NRXN1: variants seen among roughly 807,000 people sequenced by gnomAD.
NRXN1 encodes the protein neurexin 1.
Under a neutral mutation model 150.9 loss-of-function variants are expected in NRXN1, and 39 were observed. The ratio of observed to expected loss-of-function variants is 0.26; its 90% CI spans 0.20 to 0.34. The LOEUF (loss-of-function observed/expected upper bound fraction) is 0.34. NRXN1 is among the 10% of genes least tolerant of loss of function. The pLI is 1.00. For synonymous variants in NRXN1, 924 were observed against 757.0 expected, an observed-to-expected ratio of 1.22 and a Z score of -3.62; for missense variants, 1,815 against 1,949.9, an observed-to-expected ratio of 0.93 and a Z score of 1.30.
intron 5 of NRXN1, 68 bp downstream of exon 5, chr2:50,921,801 A>G: frequency 9.4e-6 from 7 of 747,642 alleles, no homozygotes; most frequent in Non-Finnish European, 1.4e-5. Flanking sequence ...GTCTAAATAC[A>G]TTTATGTAAC....
intron 5 of NRXN1, among the ~76,000 whole-genome samples, chr2:50,871,985 T>C (rs1260635968): frequency 6.6e-6 from 1 of 151,796 alleles, no homozygotes; most frequent in East Asian, 2.0e-4. Context: ...AACTACTTCA[T>C]TTTCCCTGTA....
At chr2:50,510,575 A>T (rs1006145349) in intron 12 of NRXN1, among the ~76,000 whole-genome samples, 4 of 151,472 alleles carry the variant, frequency 2.6e-5, no homozygotes, top group African/African-American at 9.7e-5. Context: ...AAAAGACATC[A>T]TTCCTTATGT....
chr2:50,724,371 G>A (rs926954107), intron 5 of NRXN1, among the ~76,000 whole-genome samples: 1 of 151,912 alleles, frequency 6.6e-6, no homozygotes, highest in African/African-American at 2.4e-5. Flanking sequence ...TTATTATTTG[G>A]GTAAATATTT....
At chr2:50,209,174 T>G (rs1038554305) in intron 18 of NRXN1, among the ~76,000 whole-genome samples, 1 of 152,210 alleles carries the variant, frequency 6.6e-6, no homozygotes, top group East Asian at 1.9e-4. Context: ...TCCACTTCTT[T>G]GATAAAGTGA....
intron 5 of NRXN1, among the ~76,000 whole-genome samples, chr2:50,768,628 T>C (rs1170517575): frequency 6.6e-6 from 1 of 151,986 alleles, no homozygotes; most frequent in African/African-American, 2.4e-5. Flanking sequence ...AGGAAAACAT[T>C]TGACTAGGAA....
intron 5 of NRXN1, among the ~76,000 whole-genome samples, chr2:50,719,742 G>T (rs1208933989): frequency 6.6e-6 from 1 of 151,894 alleles, no homozygotes; most frequent in East Asian, 1.9e-4. Context: ...TTCTTGATTG[G>T]GATTATTAGC....
chr2:50,975,551 A>C (rs1004130862), intron 2 of NRXN1, among the ~76,000 whole-genome samples: 3 of 152,088 alleles, frequency 2.0e-5, no homozygotes, highest in African/African-American at 7.2e-5. Context: ...AAGTCCCCTA[A>C]ATATATAATG....
At chr2:51,005,794 A>T (rs984561463) in intron 2 of NRXN1, among the ~76,000 whole-genome samples, 18 of 151,964 alleles carry the variant, frequency 1.2e-4, no homozygotes, top group African/African-American at 4.1e-4. Flanking sequence ...ATCAGTAGTA[A>T]CCTTCAATCT....
At chr2:50,510,252 T>C (rs1028895935) in intron 12 of NRXN1, among the ~76,000 whole-genome samples, 16 of 151,928 alleles carry the variant, frequency 1.1e-4, no homozygotes, top group African/African-American at 3.9e-4. Flanking sequence ...TTTTGTGAAG[T>C]TGAGGCGGGA....
intron 15 of NRXN1, among the ~76,000 whole-genome samples, chr2:50,492,388 A>G (rs898286347): frequency 5.9e-5 from 9 of 152,190 alleles, no homozygotes; most frequent in Non-Finnish European, 1.3e-4. Context: ...TTCTGAGAGA[A>G]AGATCATTAG....
intron 12 of NRXN1, among the ~76,000 whole-genome samples, chr2:50,520,646 T>A (rs1445881002): frequency 1.3e-5 from 2 of 151,970 alleles, no homozygotes; most frequent in Non-Finnish European, 2.9e-5. Flanking sequence ...CTGAACTAAT[T>A]TTACTTAATT....
At chr2:50,465,625 GC>G in intron 16 of NRXN1, 64 bp from the exon 17 acceptor site, 1 of 1,512,396 alleles carries the variant, frequency 6.6e-7, no homozygotes, top group Non-Finnish European at 8.9e-7. Flanking sequence ...TTATACATGA[GC>G]TAGATCACAT....
chr2:50,415,354 T>A (rs1044945990), intron 17 of NRXN1, among the ~76,000 whole-genome samples: 1 of 152,104 alleles, frequency 6.6e-6, no homozygotes, highest in Non-Finnish European at 1.5e-5. Context: ...TAAGGTGTAT[T>A]TTTTTATGGC....
At chr2:50,546,996 G>A (rs1573492087) in intron 9 of NRXN1, among the ~76,000 whole-genome samples, 1 of 152,122 alleles carries the variant, frequency 6.6e-6, no homozygotes, top group Admixed American at 6.6e-5. Flanking sequence ...CATGAATGGT[G>A]TACACAGAAA....
chr2:50,705,182 T>C (rs1156648005), intron 5 of NRXN1, among the ~76,000 whole-genome samples: 1 of 152,004 alleles, frequency 6.6e-6, no homozygotes. Context: ...CAAATGTGTC[T>C]CAGTATAAGA....
chr2:50,717,517 A>G (rs920873550), intron 5 of NRXN1, among the ~76,000 whole-genome samples: 3 of 152,218 alleles, frequency 2.0e-5, no homozygotes, highest in Non-Finnish European at 4.4e-5. Context: ...TTTCTACACG[A>G]CAAGACTATG....
chr2:50,252,257 T>G (rs1228293116), intron 17 of NRXN1, among the ~76,000 whole-genome samples: 2 of 115,648 alleles, frequency 1.7e-5, no homozygotes, highest in Non-Finnish European at 3.4e-5. Flanking sequence ...TTTTTTCTTT[T>G]CTTTTTTTTT....
intron 2 of NRXN1, among the ~76,000 whole-genome samples, chr2:51,020,689 C>T (rs1015421687): frequency 2.0e-5 from 3 of 151,900 alleles, no homozygotes; most frequent in Non-Finnish European, 4.4e-5. Flanking sequence ...TAGGTGGTTT[C>T]CCAATTCGCA....
chr2:50,096,581 C>T (rs1026958109), intron 18 of NRXN1, among the ~76,000 whole-genome samples: 5 of 152,198 alleles, frequency 3.3e-5, no homozygotes, highest in African/African-American at 1.2e-4. Flanking sequence ...ATGTCTTGAT[C>T]TCCCTGTACT....
Sources: allele counts gnomAD v4.1 joint callset (sites outside exome capture counted in the v4.1 genomes callset), GRCh38; gene constraint gnomAD v4.1.1; transcripts MANE v1.5; gene names NCBI Gene and HGNC (gene_info 2026-07-23, HGNC 2026-07-21).